Variants in EYS observed in about 807,000 individuals in gnomAD.
The protein encoded by EYS is protein eyes shut homolog.
EYS carries 250 observed loss-of-function variants against 282.1 expected under a neutral mutation model. That is an observed-to-expected ratio of 0.89 (90% CI 0.80 to 0.98). EYS has a LOEUF of 0.98. EYS is among the 50% of genes least tolerant of loss of function. The pLI, the probability that EYS is intolerant of heterozygous loss-of-function variation, is 0.00. For missense variants in EYS, 4,016 were observed against 3,709.0 expected (o/e 1.08, Z -2.15); for synonymous variants, 1,355 against 1,282.9 (o/e 1.06, Z -1.20).
At chr6:64,511,819 G>T (rs61357652) in intron 26 of EYS, among the ~76,000 whole-genome samples, 7,808 of 147,068 alleles carry the variant, frequency 0.053, 678 homozygotes, top group African/African-American at 0.19. Flanking sequence ...ACTAAATTTT[G>T]GGGGGGGGTG....
chr6:64,967,597 C>T (rs1462178548), intron 14 of EYS, among the ~76,000 whole-genome samples: 10 of 152,128 alleles, frequency 6.6e-5, no homozygotes, highest in Non-Finnish European at 8.8e-5. Context: ...GGATTACAGG[C>T]GTGAGCCACA....
chr6:64,494,799 TAC>T (rs1420453086), intron 26 of EYS, among the ~76,000 whole-genome samples: 2 of 151,734 alleles, frequency 1.3e-5, no homozygotes. Flanking sequence ...GTCTATGAAA[TAC>T]AGTTTCTTAC....
At chr6:64,446,343 A>G (rs1561999209) in intron 26 of EYS, among the ~76,000 whole-genome samples, 1 of 152,184 alleles carries the variant, frequency 6.6e-6, no homozygotes, top group Non-Finnish European at 1.5e-5. Context: ...AGTTTTTTTA[A>G]TAGACTAGAA....
chr6:63,803,570 G>T (rs535856954), intron 37 of EYS, among the ~76,000 whole-genome samples: 3 of 152,168 alleles, frequency 2.0e-5, no homozygotes, highest in African/African-American at 7.2e-5. Context: ...GAGGGGAACC[G>T]CTGGGGAAAT....
At chr6:64,085,330 ACGTGCGCG>A (rs1342962346) in intron 31 of EYS, among the ~76,000 whole-genome samples, 34 of 117,110 alleles carry the variant, frequency 2.9e-4, no homozygotes, top group African/African-American at 1.2e-3. Context: ...GCGCGTGCGC[ACGTGCGCG>A]CGCACACACA....
chr6:65,282,975 A>T (rs1293270613), intron 12 of EYS, among the ~76,000 whole-genome samples: 1 of 151,936 alleles, frequency 6.6e-6, no homozygotes, highest in African/African-American at 2.4e-5. Context: ...AGGTAGGCAA[A>T]ATTAAATATA....
In EYS at chr6:64,997,272, A is replaced by C. The variant is rs542973760; in HGVS notation, c.2259+310T>G. Among the ~76,000 whole-genome samples, 7 of 152,338 alleles carry C rather than the reference A, an allele frequency of 4.6e-5. No individual in the cohort carries two copies. In the South Asian group the frequency reaches 1.0e-3, roughly 23 times the overall value. The stretch of plus-strand genomic sequence containing the variant: ...AATAGGTGGCCGTTAAGACTCACAC[A>C]GTGCCTTTCAGAATAAATTCTGAAA... On this transcript the variant is annotated intron_variant, in intron 14 of 42. Coordinates refer to ENST00000503581, the MANE Select transcript of EYS (RefSeq NM_001142800.2).
At chr6:64,690,782 G>T (rs561276214) in intron 22 of EYS, among the ~76,000 whole-genome samples, 4 of 151,774 alleles carry the variant, frequency 2.6e-5, no homozygotes, top group Non-Finnish European at 5.9e-5. Flanking sequence ...TGAATAATGA[G>T]AACACTTGGA....
intron 5 of EYS, among the ~76,000 whole-genome samples, chr6:65,452,466 T>C (rs945298044): frequency 1.3e-5 from 2 of 151,992 alleles, no homozygotes; most frequent in African/African-American, 4.8e-5. Flanking sequence ...GTAGGATTAA[T>C]TAAATTATAG....
chr6:65,608,366 C>T (rs1272949556), intron 2 of EYS, among the ~76,000 whole-genome samples: 3 of 151,980 alleles, frequency 2.0e-5, no homozygotes, highest in Non-Finnish European at 2.9e-5. Context: ...GCACTTGCCA[C>T]AAATAGAATT....
chr6:64,192,042 C>A (rs1484299225), intron 31 of EYS, among the ~76,000 whole-genome samples: 8 of 143,852 alleles, frequency 5.6e-5, no homozygotes, highest in Non-Finnish European at 1.2e-4. Flanking sequence ...GAGATGTTAT[C>A]TCATTGTGGT....
intron 35 of EYS, among the ~76,000 whole-genome samples, chr6:63,893,579 GT>G (rs550678412): frequency 3.9e-5 from 6 of 152,252 alleles, no homozygotes; most frequent in African/African-American, 1.4e-4. Flanking sequence ...CCTGTTGGTG[GT>G]TGGGGGGCAA....
At chr6:65,381,763 T>C (rs566973015) in intron 8 of EYS, among the ~76,000 whole-genome samples, 10 of 152,140 alleles carry the variant, frequency 6.6e-5, no homozygotes, top group African/African-American at 2.4e-4. Context: ...CCTTTAAAAA[T>C]TAACAATATA....
chr6:65,175,316 G>A (rs1411863245), intron 12 of EYS, among the ~76,000 whole-genome samples: 1 of 151,344 alleles, frequency 6.6e-6, no homozygotes, highest in Non-Finnish European at 1.5e-5. Flanking sequence ...AAGCACAGGA[G>A]ATGTGCTTAA....
intron 26 of EYS, among the ~76,000 whole-genome samples, chr6:64,515,821 C>G (rs1257430574): frequency 6.6e-6 from 1 of 151,526 alleles, no homozygotes; most frequent in Admixed American, 6.6e-5. Flanking sequence ...TTAACTCTGG[C>G]TGTAACTATG....
chr6:64,717,086 T>C (rs529769022), intron 22 of EYS, among the ~76,000 whole-genome samples: 2 of 152,308 alleles, frequency 1.3e-5, no homozygotes, highest in African/African-American at 4.8e-5. Flanking sequence ...GGTTAGCTTG[T>C]GGGTTTACCA....
chr6:65,219,240 G>A (rs1342160401), intron 12 of EYS, among the ~76,000 whole-genome samples: 1 of 152,152 alleles, frequency 6.6e-6, no homozygotes, highest in Non-Finnish European at 1.5e-5. Context: ...GTAGGCATTT[G>A]CCAATACAGG....
intron 26 of EYS, among the ~76,000 whole-genome samples, chr6:64,517,702 A>C (rs1209152148): frequency 3.3e-5 from 5 of 151,760 alleles, no homozygotes; most frequent in Admixed American, 3.3e-4. Context: ...TACTTCTCAT[A>C]TTGAAACTTA....
chr6:64,517,215 C>T (rs936046673), intron 26 of EYS, among the ~76,000 whole-genome samples: 8 of 151,680 alleles, frequency 5.3e-5, no homozygotes, highest in African/African-American at 1.9e-4. Context: ...TAGAACCTCA[C>T]AAATTAGATA....
Sources: gnomAD v4.1 joint callset for allele counts (sites outside exome capture counted in the v4.1 genomes callset) on GRCh38, gnomAD v4.1.1 for gene constraint, MANE v1.5 for transcripts, NCBI Gene and HGNC (gene_info 2026-07-23, HGNC 2026-07-21) for gene names.